The following ZXDC variants were observed in gnomAD, a reference collection of about 807,000 sequenced individuals.
ZXDC encodes zinc finger protein ZXDC.
A neutral mutation model predicts 63.6 loss-of-function variants in ZXDC; 58 were observed. The ratio of observed to expected loss-of-function variants is 0.91; its 90% CI spans 0.74 to 1.13. The LOEUF (loss-of-function observed/expected upper bound fraction) is 1.13. ZXDC is among the 50% of genes most tolerant of loss of function. ZXDC has a pLI of 0.00. For missense variants in ZXDC, 1,133 were observed against 1,148.9 expected, an observed-to-expected ratio of 0.99 and a Z score of 0.20; for synonymous variants, 561 against 496.1, an observed-to-expected ratio of 1.13 and a Z score of -1.74.
At chr3:126,448,769 C>G (rs1427677356) in intron 7 of ZXDC, among the ~76,000 whole-genome samples, 6 of 152,242 alleles carry the variant, frequency 3.9e-5, no homozygotes, top group African/African-American at 1.4e-4. Context: ...AGACGGCCAT[C>G]GCCATGAAAC....
At position 126,475,144 on chromosome 3, in the gene ZXDC, G is replaced by A. The variant is rs767383817; in HGVS notation, c.722C>T (p.Pro241Leu). 1.2e-6 allele frequency: 2 copies of A among 1,608,920 alleles called. No homozygotes were observed. The highest frequency in any genetic ancestry group is 1.7e-5 in the Admixed American group (1 of 59,470). ...GAACTTCTTGCCACAGCCGCCCACTGGACAGCCGAAGGGCCGCAGCTTGTC... is the reference window on the plus strand; with the variant it reads ...GAACTTCTTGCCACAGCCGCCCACTAGACAGCCGAAGGGCCGCAGCTTGTC... The part of the protein sequence containing the change: ...SHDKLRPFGC[P>L]VGGCGKKFTT... Residue 241 changes from proline to leucine, a missense_variant, in exon 1 of 10, where the codon CCA becomes CTA. Transcript: ENST00000389709.
intron 6 of ZXDC, 186 bp downstream of exon 6, chr3:126,461,349 G>C (rs1222708645): frequency 2.2e-6 from 3 of 1,374,712 alleles, no homozygotes; most frequent in Non-Finnish European, 2.8e-6. Context: ...GAGAATTTAA[G>C]GCTCAGATGG....
At chr3:126,440,156 A>G (rs1265513008) in intron 8 of ZXDC, 1 of 1,009,448 alleles carries the variant, frequency 9.9e-7, no homozygotes, top group Non-Finnish European at 1.2e-6. Context: ...CCTACGGGCC[A>G]GCTGGAAGGA....
At chr3:126,457,968 G>A (rs551175490) in intron 7 of ZXDC, among the ~76,000 whole-genome samples, 15 of 152,294 alleles carry the variant, frequency 9.8e-5, no homozygotes, top group Non-Finnish European at 1.5e-4. Flanking sequence ...TGGCACACTC[G>A]AAAGAACAAT....
At chr3:126,456,026 G>T (rs762935811) in intron 7 of ZXDC, among the ~76,000 whole-genome samples, 2 of 151,960 alleles carry the variant, frequency 1.3e-5, no homozygotes, top group African/African-American at 2.4e-5. Flanking sequence ...AAAAGAATCA[G>T]TATCATTGAA....
intron 7 of ZXDC, chr3:126,454,651 T>C (rs533410936): frequency 8.1e-6 from 8 of 985,422 alleles, no homozygotes; most frequent in African/African-American, 3.5e-5. Flanking sequence ...AGGATACCCT[T>C]GGTTTTCTGT....
chr3:126,475,876 G>C lies in ZXDC; in HGVS notation c.-11C>G. Reference sequence around the variant, plus strand: ...CGCCGGGAGGTCCATCTTGGTCCCAGCGACGGCGTCGGAGCAGCTTCGGAC... The same window carrying C: ...CGCCGGGAGGTCCATCTTGGTCCCACCGACGGCGTCGGAGCAGCTTCGGAC... On this transcript the variant is annotated 5_prime_UTR_variant, in exon 1 of 10. Transcript: ENST00000389709. 1 of 1,075,248 alleles carries C rather than the reference G, an allele frequency of 9.3e-7. No homozygotes were observed. The highest frequency in any genetic ancestry group is 1.1e-6 in the Non-Finnish European group (1 of 888,568). 66.6% of individuals were successfully genotyped at this position (1,075,248 alleles called of 1,614,324 possible).
At position 126,475,163 on chromosome 3, in the gene ZXDC, G is replaced by C; in HGVS notation, c.703C>G (p.Leu235Val). 1 of 1,604,180 alleles carries C rather than the reference G, an allele frequency of 6.2e-7. No homozygotes were observed. The highest frequency in any genetic ancestry group is 8.5e-7 in the Non-Finnish European group (1 of 1,175,450). ...LKRHLQSHDK[L>V]RPFGCPVGGC... is the part of the protein sequence containing the mutation. ...CCCACTGGACAGCCGAAGGGCCGCA[G>C]CTTGTCGTGCGACTGCAGGTGCCGC... is the stretch of plus-strand genomic sequence containing the variant. The change falls in exon 1 of 10, where the codon CTG (leucine) becomes GTG (valine). Residue 235 changes from leucine (L) to valine (V), a missense_variant. By Grantham distance (32) the Leu-to-Val change is conservative (BLOSUM62 1). Coordinates refer to ENST00000389709, the MANE Select transcript of ZXDC (RefSeq NM_025112.5).
At chr3:126,440,292 C>A (rs1933627750) in intron 8 of ZXDC, 6 of 988,866 alleles carry the variant, frequency 6.1e-6, no homozygotes, top group Non-Finnish European at 6.0e-6. Flanking sequence ...GCCATTCACA[C>A]CCCGAAGCGG....
At chr3:126,453,884 C>T in intron 7 of ZXDC, 4 of 985,066 alleles carry the variant, frequency 4.1e-6, no homozygotes, top group Non-Finnish European at 4.8e-6. Flanking sequence ...TTTCTTCTTT[C>T]ACCTGATTGT....
Position 126,459,695 on chromosome 3 carries a change from G to A in ZXDC, c.2170C>T (p.Leu724=). Reference sequence around the variant, plus strand: ...CCTCTCTGCTTTTTTTCCTTGGCTAGTTGAATGGCTCGGTAATCAGTTCTT... The same window carrying A: ...CCTCTCTGCTTTTTTTCCTTGGCTAATTGAATGGCTCGGTAATCAGTTCTT... ...SARTDYRAIQ[L]AKEKKQRGAG... The change falls in exon 7 of 10, where the codon CTA becomes TTA. Residue 724 remains leucine (L), a synonymous_variant. Coordinates refer to ENST00000389709, the MANE Select transcript of ZXDC (RefSeq NM_025112.5). The A allele has an allele frequency of 6.2e-7, 1 of 1,614,168 alleles. No individual in the cohort carries two copies. The highest frequency in any genetic ancestry group is 1.3e-5 in the African/African-American group (1 of 75,024).
intron 7 of ZXDC, chr3:126,442,941 G>C (rs954885004): frequency 6.6e-6 from 1 of 152,262 alleles, no homozygotes; most frequent in Non-Finnish European, 1.5e-5. Flanking sequence ...CATGGGGTGA[G>C]AGCTGACTTG....
chr3:126,458,756 T>C (rs981179801), intron 7 of ZXDC: 128 of 985,338 alleles, frequency 1.3e-4, no homozygotes, highest in Non-Finnish European at 1.5e-4. Flanking sequence ...GTCAACTCTT[T>C]CTACAAATTT....
intron 8 of ZXDC, 112 bp downstream of exon 8, chr3:126,441,652 GC>G: frequency 7.0e-7 from 1 of 1,429,866 alleles, no homozygotes; most frequent in East Asian, 2.6e-5. Flanking sequence ...CGAGGGGCAG[GC>G]AGGCAGGGGG....
chr3:126,441,377 G>A, intron 8 of ZXDC: 1 of 1,042,598 alleles, frequency 9.6e-7, no homozygotes, highest in African/African-American at 1.7e-5. Context: ...ACGGCCTGCG[G>A]AGCCCTTTTG....
rs774207762 is a variant in ZXDC at position 126,461,683 on chromosome 3, T to G, written c.1979A>C (p.Lys660Thr). 2.5e-6 allele frequency: 4 copies of G among 1,612,716 alleles called. No individual in the cohort carries two copies. Among genetic ancestry groups the G allele is most frequent in the Non-Finnish European group, 2.5e-6 (3 of 1,179,836 alleles). ...GCGAGAAGGCGAGTCCGGCTCCACC[T>G]TGATTGGAGCCAGCAGTTCCGGGAC... ...ASVPELLAPI[K>T]VEPDSPSRPG... Residue 660 changes from lysine to threonine, a missense_variant, in exon 6 of 10, where the codon AAG (lysine) becomes ACG (threonine). Transcript: ENST00000389709.
chr3:126,458,465 T>A (rs999531813), intron 7 of ZXDC: 9 of 400,684 alleles, frequency 2.2e-5, no homozygotes, highest in Non-Finnish European at 6.8e-6. Context: ...CTCGAACTCC[T>A]GACCTCAGGT....
chr3:126,446,306 G>A (rs535934836), intron 7 of ZXDC, among the ~76,000 whole-genome samples: 1 of 152,176 alleles, frequency 6.6e-6, no homozygotes, highest in Admixed American at 6.5e-5. Flanking sequence ...ATGGTAAATA[G>A]CAAAGTGGTC....
intron 6 of ZXDC, among the ~76,000 whole-genome samples, chr3:126,460,308 T>A (rs985871559): frequency 6.6e-6 from 1 of 152,208 alleles, no homozygotes; most frequent in African/African-American, 2.4e-5. Flanking sequence ...GAACGTTTCC[T>A]AAGAAAGACA....
Sources: allele counts gnomAD v4.1 joint callset (sites outside exome capture counted in the v4.1 genomes callset), GRCh38; gene constraint gnomAD v4.1.1; transcripts MANE v1.5; gene names NCBI Gene and HGNC (gene_info 2026-07-23, HGNC 2026-07-21).